CLVS2: variants seen among roughly 807,000 people sequenced by gnomAD.
CLVS2 encodes the protein clavesin-2.
Under a neutral mutation model 29.0 loss-of-function variants are expected in CLVS2, and 19 were observed. That is an observed-to-expected ratio of 0.66 (90% CI 0.46 to 0.96). The LOEUF is 0.96. Among genes scored for constraint, CLVS2 ranks in the 40% least tolerant of loss-of-function variants. The pLI, the probability that CLVS2 is intolerant of heterozygous loss-of-function variation, is 0.00. For missense variants in CLVS2, 294 were observed against 404.1 expected (o/e 0.73, Z 2.34); for synonymous variants, 161 against 151.3 (o/e 1.06, Z -0.47).
At chr6:122,996,996 C>T (rs1027273322) in intron 1 of CLVS2, among the ~76,000 whole-genome samples, 1 of 151,844 alleles carries the variant, frequency 6.6e-6, no homozygotes, top group African/African-American at 2.4e-5. Context: ...CTGGTACCAA[C>T]GCCACCAGAA....
chr6:123,048,768 C>T (rs745938657), intron 4 of CLVS2, 36 bp downstream of exon 4: 42 of 1,254,784 alleles, frequency 3.3e-5, no homozygotes, highest in Admixed American at 6.8e-5. Context: ...CTTTCTCTTC[C>T]GCCATCCAAT....
At chr6:123,011,749 ATAT>A (rs1774751295) in intron 3 of CLVS2, among the ~76,000 whole-genome samples, 1 of 152,004 alleles carries the variant, frequency 6.6e-6, no homozygotes, top group Admixed American at 6.6e-5. Context: ...GATGGGAAAC[ATAT>A]TATTATTTAG....
chr6:123,020,693 C>G (rs1774907415), intron 3 of CLVS2, among the ~76,000 whole-genome samples: 1 of 151,928 alleles, frequency 6.6e-6, no homozygotes, highest in African/African-American at 2.4e-5. Context: ...TACTGTTTAG[C>G]CACATACTGA....
chr6:123,049,884 A>G (rs1483829835), intron 4 of CLVS2, among the ~76,000 whole-genome samples: 4 of 151,982 alleles, frequency 2.6e-5, no homozygotes, highest in Non-Finnish European at 5.9e-5. Context: ...CCAACATGGC[A>G]TATGTATACA....
rs1772947572 is a variant in CLVS2 at position 123,071,482 on chromosome 6, A to T, written c.*7721A>T. 6.6e-6 allele frequency: 1 copy of T among 152,092 alleles called. No individual in the cohort carries two copies. Among genetic ancestry groups the T allele is most frequent in the Non-Finnish European group, 1.5e-5 (1 of 67,922 alleles). 9.4% of individuals were successfully genotyped at this position (152,092 alleles called of 1,614,324 possible). On this transcript the variant is annotated 3_prime_UTR_variant, in exon 6 of 6. Transcript: ENST00000275162. ...ATCCACATGGCTTACTCTTGGAGAG[A>T]CTACAAGATAGCTCAGGGGAAAAGT... is the stretch of plus-strand genomic sequence containing the variant.
At chr6:123,029,344 A>G (rs1775049306) in intron 3 of CLVS2, among the ~76,000 whole-genome samples, 1 of 152,236 alleles carries the variant, frequency 6.6e-6, no homozygotes, top group Admixed American at 6.5e-5. Context: ...CAAACAACAT[A>G]TGAAAGGAAA....
In CLVS2 at chr6:123,067,037, T is replaced by G. The variant is rs1474168274; in HGVS notation, c.*3276T>G. ...TGCATGAATTCTTTCATTTCAGTAA[T>G]GGTTTGCATAAGTGTAGACAGAGAT... On this transcript the variant is annotated 3_prime_UTR_variant, in exon 6 of 6. Transcript: ENST00000275162. The G allele has an allele frequency of 3.3e-5, 5 of 151,788 alleles. No individual in the cohort carries two copies. Among genetic ancestry groups the G allele is most frequent in the Non-Finnish European group, 7.4e-5 (5 of 67,758 alleles). The allele number at this position is 151,788 out of a possible 1,614,324, so 9.4% of individuals were successfully genotyped here. A position where few individuals can be genotyped will look rare whatever the true frequency, so the allele number is the denominator to read the frequency against.
At position 123,048,714 on chromosome 6, in the gene CLVS2, G is replaced by A. The variant is rs761089628; in HGVS notation, c.657G>A (p.Lys219=). 3 of 1,611,340 alleles carry A rather than the reference G, an allele frequency of 1.9e-6. No individual in the cohort carries two copies. The highest frequency in any genetic ancestry group is 1.7e-5 in the Admixed American group (1 of 59,934). Reference sequence around the variant, plus strand: ...ACACCGTGATCCGGCCTTTCCTGAAGGAGAAAACTCGGAAAAGGGTATTCT... The same window carrying A: ...ACACCGTGATCCGGCCTTTCCTGAAAGAGAAAACTCGGAAAAGGGTATTCT... ...ALYTVIRPFL[K]EKTRKRIFLH... is the part of the protein sequence containing the mutation. Residue 219 remains lysine (K), a synonymous_variant, in exon 4 of 6, where the codon AAG becomes AAA. Coordinates refer to ENST00000275162, the MANE Select transcript of CLVS2 (RefSeq NM_001010852.4).
At chr6:123,037,651 A>G (rs912272068) in intron 3 of CLVS2, among the ~76,000 whole-genome samples, 1 of 152,038 alleles carries the variant, frequency 6.6e-6, no homozygotes, top group Non-Finnish European at 1.5e-5. Flanking sequence ...GCCTTAACTC[A>G]GATTTAGGTG....
At chr6:123,010,115 T>G (rs1774727730) in intron 2 of CLVS2, among the ~76,000 whole-genome samples, 1 of 152,096 alleles carries the variant, frequency 6.6e-6, no homozygotes, top group Admixed American at 6.6e-5. Flanking sequence ...TATGTGTCAT[T>G]TTTTACTCTT....
intron 3 of CLVS2, among the ~76,000 whole-genome samples, chr6:123,021,978 T>C (rs776328456): frequency 2.0e-5 from 3 of 152,056 alleles, no homozygotes; most frequent in Non-Finnish European, 2.9e-5. Flanking sequence ...TGTGTGCCCA[T>C]AGGATTTTCC....
At chr6:123,015,621 C>T (rs1415139089) in intron 3 of CLVS2, among the ~76,000 whole-genome samples, 1 of 152,046 alleles carries the variant, frequency 6.6e-6, no homozygotes, top group Non-Finnish European at 1.5e-5. Flanking sequence ...CACCAATACT[C>T]AAATTCTCAC....
intron 5 of CLVS2, 23 bp downstream of exon 5, chr6:123,056,049 A>T (rs1772689426): frequency 6.4e-7 from 1 of 1,561,244 alleles, no homozygotes; most frequent in African/African-American, 1.4e-5. Context: ...TAGACTGGGG[A>T]GTGGGCTGGG....
chr6:123,055,724 C>A, intron 4 of CLVS2, 82 bp from the exon 5 acceptor site: 1 of 976,050 alleles, frequency 1.0e-6, no homozygotes, highest in Non-Finnish European at 1.6e-6. Context: ...CTATTGCTAT[C>A]CTCACATCCC....
rs892075414 is a variant in CLVS2 at position 123,070,098 on chromosome 6, T to C, written c.*6337T>C. Reference sequence around the variant, plus strand: ...AGTTTTAGTGCTAGAAAAATTGTTGTTTTTTGTGTTTTGTATTCATAGGGA... The same window carrying C: ...AGTTTTAGTGCTAGAAAAATTGTTGCTTTTTGTGTTTTGTATTCATAGGGA... On this transcript the variant is annotated 3_prime_UTR_variant, in exon 6 of 6. Coordinates refer to ENST00000275162, the MANE Select transcript of CLVS2 (RefSeq NM_001010852.4). The C allele has an allele frequency of 1.3e-5, 2 of 151,960 alleles. No homozygotes were observed. The highest frequency in any genetic ancestry group is 4.8e-5 in the African/African-American group (2 of 41,420). The allele number at this position is 151,960 out of a possible 1,614,324, so 9.4% of individuals were successfully genotyped here.
chr6:123,019,050 C>T (rs950509923), intron 3 of CLVS2, among the ~76,000 whole-genome samples: 3 of 151,988 alleles, frequency 2.0e-5, no homozygotes, highest in African/African-American at 7.2e-5. Context: ...TTTCCAAGGC[C>T]ACTTTGCTCA....
chr6:123,063,743 A>G lies in CLVS2; in HGVS notation c.966A>G (p.Pro322=). 1 of 1,608,412 alleles carries G rather than the reference A, an allele frequency of 6.2e-7. No homozygotes were observed. Among genetic ancestry groups the G allele is most frequent in the South Asian group, 1.1e-5 (1 of 90,910 alleles). ...AAAATGAGGAAGAAAACATGCAACC[A>G]TTGCTTTCTCTGGACTAATAACTTC... ...MDKNEEENMQ[P]LLSLD Residue 322 remains proline (P), a synonymous_variant, in exon 6 of 6, where the codon CCA becomes CCG. Coordinates refer to ENST00000275162, the MANE Select transcript of CLVS2 (RefSeq NM_001010852.4).
intron 3 of CLVS2, among the ~76,000 whole-genome samples, chr6:123,029,203 C>G (rs1775047353): frequency 6.6e-6 from 1 of 152,092 alleles, no homozygotes; most frequent in Non-Finnish European, 1.5e-5. Flanking sequence ...TACTAAGATA[C>G]CAAAGTAGAA....
chr6:123,051,726 C>T (rs1772614980), intron 4 of CLVS2, among the ~76,000 whole-genome samples: 3 of 152,030 alleles, frequency 2.0e-5, no homozygotes, highest in Admixed American at 2.0e-4. Context: ...TTTAATAGCA[C>T]AGTGTAGAAA....
Sources: allele counts gnomAD v4.1 joint callset (sites outside exome capture counted in the v4.1 genomes callset), GRCh38; gene constraint gnomAD v4.1.1; transcripts MANE v1.5; gene names NCBI Gene and HGNC (gene_info 2026-07-23, HGNC 2026-07-21).